PCDHA12: variants seen among roughly 807,000 people sequenced by gnomAD.
PCDHA12 encodes the protein protocadherin alpha 12, also known as protocadherin alpha-12.
A neutral mutation model predicts 60.0 loss-of-function variants in PCDHA12; 44 were observed. The observed-to-expected ratio is 0.73, with a 90% CI of 0.58 to 0.94. The LOEUF (loss-of-function observed/expected upper bound fraction) is 0.94, where lower values mean the gene tolerates loss of function less well. Among genes scored for constraint, PCDHA12 ranks in the 40% least tolerant of loss-of-function variants. The pLI is 0.00. For missense variants in PCDHA12, 1,276 were observed against 1,239.7 expected, an observed-to-expected ratio of 1.03 and a Z score of -0.44; for synonymous variants, 569 against 553.0, an observed-to-expected ratio of 1.03 and a Z score of -0.40.
chr5:140,917,130 C>T (rs1449410463), intron 1 of PCDHA12, among the ~76,000 whole-genome samples: 1 of 152,060 alleles, frequency 6.6e-6, no homozygotes, highest in Non-Finnish European at 1.5e-5. Flanking sequence ...AGACTCCCCA[C>T]GTTGCTCAGC....
intron 3 of PCDHA12, among the ~76,000 whole-genome samples, chr5:140,986,055 T>C (rs2097185833): frequency 6.6e-6 from 1 of 152,164 alleles, no homozygotes; most frequent in African/African-American, 2.4e-5. Context: ...ATGAATTCTT[T>C]TGCTTTTTAA....
intron 1 of PCDHA12, among the ~76,000 whole-genome samples, chr5:140,892,256 A>AT (rs1283359328): frequency 6.6e-6 from 1 of 151,996 alleles, no homozygotes; most frequent in Non-Finnish European, 1.5e-5. Context: ...GTTATCTTTG[A>AT]TTTTGTGCTG....
intron 1 of PCDHA12, among the ~76,000 whole-genome samples, chr5:140,963,794 A>G (rs2095791576): frequency 6.6e-6 from 1 of 152,248 alleles, no homozygotes; most frequent in Non-Finnish European, 1.5e-5. Flanking sequence ...ACAATAATGT[A>G]CTTAACTAGT....
intron 1 of PCDHA12, among the ~76,000 whole-genome samples, chr5:140,878,538 C>T (rs1001402199): frequency 3.9e-5 from 6 of 152,088 alleles, no homozygotes; most frequent in Non-Finnish European, 7.4e-5. Context: ...TGGCTCAAAC[C>T]AGTTTCAGAT....
chr5:140,980,427 C>T (rs551274468), intron 2 of PCDHA12, among the ~76,000 whole-genome samples: 2 of 152,198 alleles, frequency 1.3e-5, no homozygotes, highest in South Asian at 2.1e-4. Flanking sequence ...GTCAAGAGAT[C>T]GAGACCATCC....
At chr5:140,932,028 G>A (rs1299372751) in intron 1 of PCDHA12, among the ~76,000 whole-genome samples, 1 of 151,864 alleles carries the variant, frequency 6.6e-6, no homozygotes, top group South Asian at 2.1e-4. Flanking sequence ...TAAGTTTACA[G>A]TATATATTAA....
At chr5:140,969,436 A>G (rs1289383219) in intron 1 of PCDHA12, 2 of 1,549,954 alleles carry the variant, frequency 1.3e-6, no homozygotes, top group Non-Finnish European at 1.7e-6. Flanking sequence ...GACAAGAGTT[A>G]TCTGGTAAAC....
intron 1 of PCDHA12, among the ~76,000 whole-genome samples, chr5:140,962,154 C>T (rs1447978704): frequency 3.9e-5 from 6 of 152,210 alleles, no homozygotes; most frequent in Admixed American, 1.3e-4. Context: ...GGATTACAGG[C>T]GTGAGCCACC....
At position 140,882,068 on chromosome 5, in the gene PCDHA12, C is replaced by A. The variant is rs1219461637; in HGVS notation, c.2367+4229C>A. 8.4e-6 allele frequency: 7 copies of A among 837,710 alleles called. No homozygotes were observed. The East Asian group carries it at 1.9e-4, about 22-fold the overall frequency. The allele number at this position is 837,710 out of a possible 1,614,324, so 51.9% of individuals were successfully genotyped here. On this transcript the variant is annotated intron_variant, in intron 1 of 3. Coordinates refer to ENST00000398631, the MANE Select transcript of PCDHA12 (RefSeq NM_018903.4). ...TCATACTTACACTTACACGTTCATG[C>A]GCATGGTGTCGCTCTTCACTGAGAA...
chr5:140,959,696 G>A (rs1344206142), intron 1 of PCDHA12, among the ~76,000 whole-genome samples: 1 of 152,098 alleles, frequency 6.6e-6, no homozygotes, highest in Non-Finnish European at 1.5e-5. Flanking sequence ...AATAAAATGA[G>A]CTTTGAAAGG....
chr5:140,972,469 C>G (rs782470724), intron 1 of PCDHA12, among the ~76,000 whole-genome samples: 6 of 152,054 alleles, frequency 3.9e-5, no homozygotes, highest in Admixed American at 3.9e-4. Context: ...TATTAAACAT[C>G]AGCATTTAAC....
intron 1 of PCDHA12, among the ~76,000 whole-genome samples, chr5:140,911,275 G>C (rs1048648150): frequency 2.0e-5 from 3 of 152,164 alleles, no homozygotes; most frequent in African/African-American, 7.2e-5. Context: ...AGTGTCCCCA[G>C]CTTCATCAGG....
chr5:140,944,799 G>A (rs1160069845), intron 1 of PCDHA12, among the ~76,000 whole-genome samples: 2 of 152,090 alleles, frequency 1.3e-5, no homozygotes, highest in Non-Finnish European at 2.9e-5. Flanking sequence ...CAAGTCTGTC[G>A]AGGGTCCACA....
At chr5:140,975,010 C>T (rs2096649304) in intron 1 of PCDHA12, among the ~76,000 whole-genome samples, 1 of 152,182 alleles carries the variant, frequency 6.6e-6, no homozygotes, top group Admixed American at 6.5e-5. Context: ...GAAATGAACA[C>T]AGCTGGGCTG....
At chr5:140,978,572 A>T (rs1322135580) in intron 1 of PCDHA12, among the ~76,000 whole-genome samples, 2 of 152,234 alleles carry the variant, frequency 1.3e-5, no homozygotes, top group Non-Finnish European at 2.9e-5. Flanking sequence ...GTAATACTGA[A>T]TTGGGAATGT....
chr5:140,917,039 A>G (rs1279228933), intron 1 of PCDHA12, among the ~76,000 whole-genome samples: 1 of 152,132 alleles, frequency 6.6e-6, no homozygotes, highest in African/African-American at 2.4e-5. Flanking sequence ...TGAGTCCAGC[A>G]CAGTGTTGTT....
rs551502223 is a variant in PCDHA12 at position 140,976,924 on chromosome 5, T to G, written c.2368-2025T>G. ...TGTAATAAAGTGCAAAATCTAGTAC[T>G]GTGTAGCTACTTAAAACATATTATA... is the stretch of plus-strand genomic sequence containing the variant. On this transcript the variant is annotated intron_variant, in intron 1 of 3. Coordinates refer to ENST00000398631, the MANE Select transcript of PCDHA12 (RefSeq NM_018903.4). 1.6e-4 allele frequency among the ~76,000 whole-genome samples: 25 copies of G among 152,364 alleles called. No homozygotes were observed. In the South Asian group the frequency reaches 5.2e-3, roughly 32 times the overall value.
intron 1 of PCDHA12, among the ~76,000 whole-genome samples, chr5:140,976,893 A>G (rs1240555240): frequency 2.0e-5 from 3 of 152,212 alleles, no homozygotes; most frequent in African/African-American, 7.2e-5. Context: ...GATACATGCA[A>G]CAGTATGTAA....
At chr5:140,972,909 G>T (rs999939821) in intron 1 of PCDHA12, among the ~76,000 whole-genome samples, 18 of 151,942 alleles carry the variant, frequency 1.2e-4, no homozygotes, top group African/African-American at 4.4e-4. Flanking sequence ...TGATCCACCC[G>T]CCTTGGCCTC....
Sources: gnomAD v4.1 joint callset for allele counts (sites outside exome capture counted in the v4.1 genomes callset) on GRCh38, gnomAD v4.1.1 for gene constraint, MANE v1.5 for transcripts, NCBI Gene and HGNC (gene_info 2026-07-23, HGNC 2026-07-21) for gene names.